Variants in GNA12 observed in about 807,000 individuals in gnomAD.
GNA12 encodes guanine nucleotide-binding protein subunit alpha-12.
In GNA12, 9 loss-of-function variants were observed where a neutral mutation model predicts 26.0. The observed-to-expected ratio is 0.35, with a 90% CI of 0.21 to 0.60. The LOEUF (loss-of-function observed/expected upper bound fraction) is 0.60, where lower values mean the gene tolerates loss of function less well. Among genes scored for constraint, GNA12 ranks in the 20% least tolerant of loss-of-function variants. The pLI, the probability that GNA12 is intolerant of heterozygous loss-of-function variation, is 0.78. For missense variants in GNA12, 405 were observed against 525.8 expected, an observed-to-expected ratio of 0.77 and a Z score of 2.25; for synonymous variants, 264 against 219.6, an observed-to-expected ratio of 1.20 and a Z score of -1.79.
intron 2 of GNA12, among the ~76,000 whole-genome samples, chr7:2,737,274 G>GTTTTGTTTTGT (rs1790242698): frequency 8.3e-4 from 29 of 35,046 alleles, no homozygotes; most frequent in African/African-American, 2.7e-3. Context: ...GTTTTGTTTT[G>GTTTTGTTTTGT]TTTTTTTTTT....
intron 1 of GNA12, among the ~76,000 whole-genome samples, chr7:2,836,563 C>T (rs1243869315): frequency 6.6e-6 from 1 of 152,134 alleles, no homozygotes. Flanking sequence ...CTGTTCTTGG[C>T]CAAAGGACCC....
intron 2 of GNA12, among the ~76,000 whole-genome samples, chr7:2,734,383 C>T (rs547639832): frequency 2.8e-4 from 43 of 152,198 alleles, no homozygotes; most frequent in African/African-American, 2.7e-4. Context: ...CACCAGCAGG[C>T]GGGGTCAAGG....
intron 2 of GNA12, among the ~76,000 whole-genome samples, chr7:2,751,899 C>T (rs539788044): frequency 6.6e-6 from 1 of 152,282 alleles, no homozygotes; most frequent in South Asian, 2.1e-4. Context: ...AACTCCAGGC[C>T]TAGATGACCT....
At chr7:2,782,603 AT>A (rs1792257639) in intron 2 of GNA12, among the ~76,000 whole-genome samples, 1 of 148,742 alleles carries the variant, frequency 6.7e-6, no homozygotes, top group Non-Finnish European at 1.5e-5. Flanking sequence ...TGCTTTTAAG[AT>A]TTTCCTCTTT....
Position 2,795,037 on chromosome 7 carries a change from C to G in GNA12, c.416G>C (p.Gly139Ala), listed in dbSNP as rs746569487. The G allele has an allele frequency of 6.2e-7, 1 of 1,614,060 alleles. No homozygotes were observed. The highest frequency in any genetic ancestry group is 2.2e-5 in the East Asian group (1 of 44,888). ...GAAGGTGGCCGGCTCCACAGGCAGC[C>G]CCGCCTTGTTCTCGAAGGCCATCAG... The part of the protein sequence containing the change: ...MFLMAFENKA[G>A]LPVEPATFQL... Residue 139 changes from glycine (G) to alanine (A), a missense_variant, in exon 2 of 4, where the codon GGG (glycine) becomes GCG (alanine). Gly to Ala is a moderately conservative substitution (Grantham distance 60). Coordinates refer to ENST00000275364, the MANE Select transcript of GNA12 (RefSeq NM_007353.3).
At chr7:2,734,374 A>T (rs1790052275) in intron 2 of GNA12, among the ~76,000 whole-genome samples, 1 of 152,216 alleles carries the variant, frequency 6.6e-6, no homozygotes, top group South Asian at 2.1e-4. Flanking sequence ...AAAGACAGAC[A>T]CCAGCAGGCG....
At chr7:2,745,706 T>C (rs1014662020) in intron 2 of GNA12, among the ~76,000 whole-genome samples, 1 of 152,184 alleles carries the variant, frequency 6.6e-6, no homozygotes, top group Admixed American at 6.5e-5. Flanking sequence ...AATGCTCCAA[T>C]TAAAAGACAC....
intron 1 of GNA12, among the ~76,000 whole-genome samples, chr7:2,809,663 T>C (rs765967025): frequency 6.6e-6 from 1 of 152,010 alleles, no homozygotes; most frequent in Non-Finnish European, 1.5e-5. Flanking sequence ...ACAATAAAAA[T>C]GAAAAAGCCT....
chr7:2,822,843 T>C (rs1793398852), intron 1 of GNA12, among the ~76,000 whole-genome samples: 1 of 152,090 alleles, frequency 6.6e-6, no homozygotes, highest in Admixed American at 6.6e-5. Flanking sequence ...AGACAATGAC[T>C]TGGAAAGGAG....
At chr7:2,740,790 A>C (rs1040736633) in intron 2 of GNA12, among the ~76,000 whole-genome samples, 1 of 152,216 alleles carries the variant, frequency 6.6e-6, no homozygotes, top group African/African-American at 2.4e-5. Context: ...CATGCCTATA[A>C]TCCCAGCACT....
At chr7:2,828,452 C>T (rs1367696621) in intron 1 of GNA12, among the ~76,000 whole-genome samples, 1 of 152,206 alleles carries the variant, frequency 6.6e-6, no homozygotes, top group Non-Finnish European at 1.5e-5. Flanking sequence ...CTGCTGTGCT[C>T]AAGCGATCCT....
At chr7:2,733,856 A>T (rs920761813) in intron 2 of GNA12, among the ~76,000 whole-genome samples, 2 of 152,194 alleles carry the variant, frequency 1.3e-5, no homozygotes, top group African/African-American at 4.8e-5. Context: ...AGGACAGGCT[A>T]GAATAGGATT....
rs112704881 is a variant in GNA12, at chr7:2,734,924, C to T, written c.526-1423G>A. On this transcript the variant is annotated intron_variant, in intron 2 of 3. Coordinates refer to ENST00000275364, the MANE Select transcript of GNA12 (RefSeq NM_007353.3). ...CCAGGGTGAACGTACCCCAAGGGCC[C>T]GGCACGACTGACCTCTCGTGCCTGC... 6.7e-3 allele frequency among the ~76,000 whole-genome samples: 1,014 copies of T among 152,242 alleles called. 14 individuals carry two copies. The highest frequency in any genetic ancestry group is 0.023 in the African/African-American group (951 of 41,532).
chr7:2,756,790 AGTT>A (rs1791319551), intron 2 of GNA12, among the ~76,000 whole-genome samples: 1 of 152,190 alleles, frequency 6.6e-6, no homozygotes, highest in Admixed American at 6.5e-5. Flanking sequence ...GGTTACTTTA[AGTT>A]AGTCAAAGAG....
At chr7:2,785,707 A>T (rs1254833194) in intron 2 of GNA12, among the ~76,000 whole-genome samples, 1 of 152,154 alleles carries the variant, frequency 6.6e-6, no homozygotes, top group Admixed American at 6.5e-5. Flanking sequence ...ATACACACAC[A>T]CATTTTTCAG....
chr7:2,781,556 C>G (rs748020655), intron 2 of GNA12, among the ~76,000 whole-genome samples: 2 of 152,024 alleles, frequency 1.3e-5, no homozygotes, highest in Non-Finnish European at 2.9e-5. Flanking sequence ...ATCTTAATAT[C>G]TGATAATTAG....
chr7:2,774,678 G>C (rs747475594), intron 2 of GNA12, among the ~76,000 whole-genome samples: 15 of 152,336 alleles, frequency 9.8e-5, no homozygotes, highest in Non-Finnish European at 1.5e-4. Flanking sequence ...ACGTGTCACT[G>C]AATCTTCATT....
intron 2 of GNA12, among the ~76,000 whole-genome samples, chr7:2,749,825 C>T (rs769639779): frequency 6.6e-6 from 1 of 151,964 alleles, no homozygotes; most frequent in Non-Finnish European, 1.5e-5. Context: ...TCAGTGACCA[C>T]TGAAATTAGA....
Position 2,731,740 on chromosome 7 carries a change from G to A in GNA12, c.587C>T (p.Pro196Leu). The A allele has an allele frequency of 1.3e-6, 2 of 1,518,532 alleles. No individual in the cohort carries two copies. Among genetic ancestry groups the A allele is most frequent in the Admixed American group, 2.0e-5 (1 of 49,798 alleles). 94.1% of individuals were successfully genotyped at this position (1,518,532 alleles called of 1,614,324 possible). Reference sequence around the variant, plus strand: ...AGCCAGCAGGATATCTTGCTTACTAGGAAAGTAATTCTGTAAAATACAGGA... The same window carrying A: ...AGCCAGCAGGATATCTTGCTTACTAAGAAAGTAATTCTGTAAAATACAGGA... ...LDRIGQLNYF[P>L]SKQDILLARK... The change falls in exon 4 of 4, where the codon CCT becomes CTT. Residue 196 changes from proline (P) to leucine (L), a missense_variant. Coordinates refer to ENST00000275364, the MANE Select transcript of GNA12 (RefSeq NM_007353.3). This position sits in a 1 kb window ranked among gnomAD's most constrained non-coding sequence, Gnocchi z 6.0.
Sources: gnomAD v4.1 joint callset for allele counts (sites outside exome capture counted in the v4.1 genomes callset) on GRCh38, gnomAD v4.1.1 for gene constraint, Gnocchi (gnomAD v3.1) non-coding constraint, MANE v1.5 for transcripts, NCBI Gene and HGNC (gene_info 2026-07-23, HGNC 2026-07-21) for gene names.